SLCO1B3: variants seen among roughly 807,000 people sequenced by gnomAD.
SLCO1B3 encodes the protein liver-specific organic anion transporter 2.
Under a neutral mutation model 71.8 loss-of-function variants are expected in SLCO1B3, and 72 were observed. The ratio of observed to expected loss-of-function variants is 1.00; its 90% CI spans 0.83 to 1.22. The LOEUF is 1.22. SLCO1B3 is among the 50% of genes most tolerant of loss of function. SLCO1B3 has a pLI of 0.00. For missense variants in SLCO1B3, 911 were observed against 819.7 expected, an observed-to-expected ratio of 1.11 and a Z score of -1.36; for synonymous variants, 298 against 278.4, an observed-to-expected ratio of 1.07 and a Z score of -0.70.
chr12:20,875,368 A>G lies in SLCO1B3; in HGVS notation c.861A>G (p.Gln287=). The change falls in exon 9 of 16, where the codon CAA becomes CAG. Residue 287 remains glutamine, a synonymous_variant. Transcript: ENST00000381545. ...FFLPKNPNKP[Q]KERKISLSLH... ...TGCCGAAAAATCCAAATAAACCACAAAAAGAAAGAAAAATTTCACTATCAT... is the reference window on the plus strand; with the variant it reads ...TGCCGAAAAATCCAAATAAACCACAGAAAGAAAGAAAAATTTCACTATCAT... The G allele has an allele frequency of 6.2e-7, 1 of 1,612,946 alleles. No individual in the cohort carries two copies. The highest frequency in any genetic ancestry group is 8.5e-7 in the Non-Finnish European group (1 of 1,179,542).
intron 14 of SLCO1B3, among the ~76,000 whole-genome samples, chr12:20,900,302 T>G (rs4149154): frequency 0.037 from 5,601 of 152,182 alleles, 193 homozygotes; most frequent in East Asian, 0.19. Flanking sequence ...CGGTAAAACA[T>G]TCATGTATAA....
At chr12:20,826,481 T>C (rs1446033845) in intron 3 of SLCO1B3, among the ~76,000 whole-genome samples, 5 of 152,140 alleles carry the variant, frequency 3.3e-5, no homozygotes, top group African/African-American at 1.2e-4. Context: ...ATTAATTCTT[T>C]TTTAATATCA....
intron 13 of SLCO1B3, among the ~76,000 whole-genome samples, chr12:20,884,609 A>G (rs1408883123): frequency 6.6e-6 from 1 of 152,106 alleles, no homozygotes; most frequent in African/African-American, 2.4e-5. Flanking sequence ...CTACTGGCCA[A>G]AATAAGCACA....
chr12:20,851,811 C>T (rs1865029266), intron 3 of SLCO1B3, among the ~76,000 whole-genome samples: 1 of 3,470 alleles, frequency 2.9e-4, no homozygotes. Context: ...GCATTTAATC[C>T]CATTTTGAGT....
chr12:20,852,501 A>G (rs1337403180), intron 3 of SLCO1B3, among the ~76,000 whole-genome samples: 1 of 152,162 alleles, frequency 6.6e-6, no homozygotes, highest in Admixed American at 6.5e-5. Context: ...AAAAAATTAA[A>G]TGGCATTGAA....
intron 1 of SLCO1B3, among the ~76,000 whole-genome samples, chr12:20,811,244 T>A (rs778788536): frequency 1.4e-4 from 21 of 152,180 alleles, no homozygotes; most frequent in Non-Finnish European, 2.5e-4. Flanking sequence ...TTTCCTCCAT[T>A]CAACTCGTTT....
At chr12:20,821,962 G>T (rs112036579) in intron 3 of SLCO1B3, among the ~76,000 whole-genome samples, 1 of 113,132 alleles carries the variant, frequency 8.8e-6, no homozygotes, top group African/African-American at 3.7e-5. Context: ...TTGAAGTGTG[G>T]TGTCAAGATT....
chr12:20,891,803 GT>G (rs995637146), intron 13 of SLCO1B3, among the ~76,000 whole-genome samples: 62 of 151,872 alleles, frequency 4.1e-4, no homozygotes, highest in African/African-American at 1.3e-3. Context: ...ATTCTGCTTG[GT>G]CTGGCTTATT....
chr12:20,849,921 A>G lies in SLCO1B3; in HGVS notation c.85-5107A>G, dbSNP rs145799827. Among the ~76,000 whole-genome samples the G allele has an allele frequency of 6.9e-3, 1,044 of 152,128 alleles. 3 individuals carry two copies. Among genetic ancestry groups the G allele is most frequent in the Non-Finnish European group, 0.011 (764 of 67,958 alleles). On this transcript the variant is annotated intron_variant, in intron 3 of 15. Transcript: ENST00000381545. Reference sequence around the variant, plus strand: ...CTTAAAAAATTAAAGACCCACATAAATGGAAAAACATCCAGTGTTTATAGA... The same window carrying G: ...CTTAAAAAATTAAAGACCCACATAAGTGGAAAAACATCCAGTGTTTATAGA...
chr12:20,847,187 C>G (rs1459488133), intron 3 of SLCO1B3, among the ~76,000 whole-genome samples: 1 of 151,224 alleles, frequency 6.6e-6, no homozygotes, highest in African/African-American at 2.4e-5. Context: ...GATCCTCAGG[C>G]TCAGCCCAAG....
Position 20,862,539 on chromosome 12 carries a change from A to G in SLCO1B3, c.609A>G (p.Gly203=), listed in dbSNP as rs749497437. The G allele has an allele frequency of 8.7e-6, 14 of 1,610,414 alleles. No individual in the cohort carries two copies. Among genetic ancestry groups the G allele is most frequent in the Admixed American group, 5.0e-5 (3 of 59,540 alleles). Residue 203 remains glycine, a synonymous_variant, in exon 7 of 16, where the codon GGA becomes GGG. Transcript: ENST00000381545. The part of the protein sequence containing the change: ...ISYIDDFAKE[G]HSSLYLGSLN... ...ACATTGATGATTTTGCAAAAGAAGGACATTCTTCCTTGTATTTAGGTAACG... is the reference window on the plus strand; with the variant it reads ...ACATTGATGATTTTGCAAAAGAAGGGCATTCTTCCTTGTATTTAGGTAACG...
chr12:20,822,648 A>G (rs757330146), intron 3 of SLCO1B3, among the ~76,000 whole-genome samples: 4 of 152,198 alleles, frequency 2.6e-5, no homozygotes, highest in Non-Finnish European at 4.4e-5. Context: ...TACTGAATCT[A>G]CATGTTGCAA....
intron 3 of SLCO1B3, among the ~76,000 whole-genome samples, chr12:20,825,163 T>G (rs1864394450): frequency 6.6e-6 from 1 of 152,106 alleles, no homozygotes; most frequent in African/African-American, 2.4e-5. Context: ...AATTAAAAAG[T>G]GGGTTAATGC....
At chr12:20,904,696 A>T (rs901933654) in intron 15 of SLCO1B3, among the ~76,000 whole-genome samples, 8 of 140,204 alleles carry the variant, frequency 5.7e-5, no homozygotes, top group African/African-American at 2.1e-4. Context: ...GTACTGCCCT[A>T]GTATAGGTTT....
chr12:20,898,075 A>G (rs1866051201), intron 13 of SLCO1B3, among the ~76,000 whole-genome samples: 1 of 152,228 alleles, frequency 6.6e-6, no homozygotes, highest in Non-Finnish European at 1.5e-5. Flanking sequence ...ATAAAAGTAT[A>G]TAATCCTTTA....
chr12:20,811,223 A>G (rs185170040), intron 1 of SLCO1B3, among the ~76,000 whole-genome samples: 2 of 152,282 alleles, frequency 1.3e-5, no homozygotes, highest in East Asian at 1.9e-4. Flanking sequence ...AAAGTCACTT[A>G]ATCACCTCAC....
intron 3 of SLCO1B3, among the ~76,000 whole-genome samples, chr12:20,841,402 A>G (rs1388843285): frequency 3.3e-5 from 5 of 152,102 alleles, no homozygotes; most frequent in African/African-American, 1.2e-4. Context: ...TGTACTTAAA[A>G]TTCCACTATA....
At chr12:20,862,902 G>T in intron 8 of SLCO1B3, 48 bp downstream of exon 8, 1 of 973,732 alleles carries the variant, frequency 1.0e-6, no homozygotes, top group Non-Finnish European at 1.6e-6. Context: ...TTTAAGTGCA[G>T]GACACCATTC....
chr12:20,863,701 C>T (rs898843207), intron 8 of SLCO1B3, among the ~76,000 whole-genome samples: 1 of 152,094 alleles, frequency 6.6e-6, no homozygotes, highest in African/African-American at 2.4e-5. Context: ...TTTTATATCC[C>T]CAAACAACTT....
Sources: allele counts gnomAD v4.1 joint callset (sites outside exome capture counted in the v4.1 genomes callset), GRCh38; gene constraint gnomAD v4.1.1; transcripts MANE v1.5; gene names NCBI Gene and HGNC (gene_info 2026-07-23, HGNC 2026-07-21).